CELF2: variants seen among roughly 807,000 people sequenced by gnomAD.
The protein encoded by CELF2 is CUG triplet repeat RNA-binding protein 2.
Under a neutral mutation model 62.6 loss-of-function variants are expected in CELF2, and 8 were observed. The observed-to-expected ratio is 0.13, with a 90% CI of 0.07 to 0.23. The LOEUF (loss-of-function observed/expected upper bound fraction) is 0.23. CELF2 is among the 10% of genes least tolerant of loss of function. The pLI, the probability that CELF2 is intolerant of heterozygous loss-of-function variation, is 1.00. For synonymous variants in CELF2, 258 were observed against 250.0 expected (o/e 1.03, Z -0.30); for missense variants, 333 against 671.0 (o/e 0.50, Z 5.56).
chr10:11,110,698 C>T lies in CELF2; in HGVS notation c.75-54788C>T, dbSNP rs2054923138. Among the ~76,000 whole-genome samples, 1 of 152,122 alleles carries T rather than the reference C, an allele frequency of 6.6e-6. No individual in the cohort carries two copies. The highest frequency in any genetic ancestry group is 2.1e-4 in the South Asian group (1 of 4,814). On this transcript the variant is annotated intron_variant, in intron 1 of 12. Transcript: ENST00000633077. This position sits in a 1 kb window ranked among gnomAD's most constrained non-coding sequence, Gnocchi z 4.0. ...TGAGAGTGTTCTCATGGGTCGTTGG[C>T]ATTCTCAGCAGTGCATCAACAAAGG... is the stretch of plus-strand genomic sequence containing the variant.
At chr10:11,140,842 A>G (rs2061231203) in intron 1 of CELF2, among the ~76,000 whole-genome samples, 1 of 152,036 alleles carries the variant, frequency 6.6e-6, no homozygotes, top group Non-Finnish European at 1.5e-5. Context: ...CACAGCAAGA[A>G]CCCATCTCTA....
intron 11 of CELF2, among the ~76,000 whole-genome samples, chr10:11,323,932 TTTC>T (rs2095587668): frequency 6.6e-6 from 1 of 152,180 alleles, no homozygotes; most frequent in African/African-American, 2.4e-5. Context: ...TTTTTTTTTT[TTTC>T]ATTTTAATAT....
the CELF2 span, among the ~76,000 whole-genome samples, chr10:10,724,570 C>T: frequency 1.5e-4 from 23 of 150,074 alleles, no homozygotes; most frequent in Non-Finnish European, 2.5e-4. Context: ...ACAGGAGAAC[C>T]GCTTGAAGCC....
chr10:11,051,947 G>A (rs1267631271), intron 1 of CELF2, among the ~76,000 whole-genome samples: 1 of 147,312 alleles, frequency 6.8e-6, no homozygotes, highest in Non-Finnish European at 1.5e-5. Context: ...GGCCCAGGCT[G>A]GAGTGCGGTG....
chr10:10,602,927 G>T, the CELF2 span, among the ~76,000 whole-genome samples: 7 of 152,198 alleles, frequency 4.6e-5, no homozygotes, highest in African/African-American at 1.7e-4. Context: ...ACTGGCATTC[G>T]TTGAGGGATT....
intron 2 of CELF2, among the ~76,000 whole-genome samples, chr10:10,976,090 G>A (rs2051307959): frequency 6.6e-6 from 1 of 152,206 alleles, no homozygotes; most frequent in African/African-American, 2.4e-5. Flanking sequence ...GCTGGTGGGA[G>A]TGTCTTATGC....
At chr10:11,115,318 GC>G (rs1260774311) in intron 1 of CELF2, among the ~76,000 whole-genome samples, 1 of 152,194 alleles carries the variant, frequency 6.6e-6, no homozygotes, top group Non-Finnish European at 1.5e-5. Context: ...ATCTGGCCCA[GC>G]AGCTGCAAAG....
chr10:10,736,680 GA>G, the CELF2 span, among the ~76,000 whole-genome samples: 6 of 151,398 alleles, frequency 4.0e-5, no homozygotes, highest in East Asian at 1.9e-4. Context: ...GGAAAATAAA[GA>G]AAAAAAATGT....
At chr10:10,547,215 C>G in the CELF2 span, among the ~76,000 whole-genome samples, 2 of 152,126 alleles carry the variant, frequency 1.3e-5, no homozygotes, top group Non-Finnish European at 2.9e-5. Context: ...CAAATACTTG[C>G]CTATCGAGAA....
At chr10:10,955,527 A>G (rs1477195848) in intron 2 of CELF2, among the ~76,000 whole-genome samples, 2 of 152,250 alleles carry the variant, frequency 1.3e-5, no homozygotes, top group African/African-American at 2.4e-5. Context: ...AATAGCACAC[A>G]TTCTCGACGT....
chr10:10,754,842 A>G, the CELF2 span, among the ~76,000 whole-genome samples: 33 of 152,282 alleles, frequency 2.2e-4, no homozygotes, highest in African/African-American at 7.5e-4. Flanking sequence ...TTAAGTAATA[A>G]CTCCTTCTTA....
chr10:10,551,989 C>T, the CELF2 span, among the ~76,000 whole-genome samples: 2 of 152,010 alleles, frequency 1.3e-5, no homozygotes. Flanking sequence ...AAATACCCTG[C>T]ATTTAAAGTT....
the CELF2 span, among the ~76,000 whole-genome samples, chr10:10,594,094 C>T: frequency 1.3e-5 from 2 of 152,070 alleles, no homozygotes; most frequent in African/African-American, 2.4e-5. Flanking sequence ...ATGATAAAGA[C>T]CTGAAATGGG....
At position 11,098,673 on chromosome 10, in the gene CELF2, G is replaced by C. The variant is rs113937173; in HGVS notation, c.75-66813G>C. Among the ~76,000 whole-genome samples, 549 of 152,296 alleles carry C rather than the reference G, an allele frequency of 3.6e-3. 3 individuals carry two copies. The highest frequency in any genetic ancestry group is 9.6e-3 in the African/African-American group (400 of 41,554). ...AGTATAAATGTGTCATGAGCACACT[G>C]TTTTCTCTGTAGAAATAACAAAGGC... is the stretch of plus-strand genomic sequence containing the variant. On this transcript the variant is annotated intron_variant, in intron 1 of 12. Coordinates refer to ENST00000633077, the MANE Select transcript of CELF2 (RefSeq NM_001326342.2). The surrounding 1 kb of genome is among the most constrained non-coding windows in gnomAD (Gnocchi z 4.0).
chr10:10,910,063 A>T (rs767120667), intron 1 of CELF2, among the ~76,000 whole-genome samples: 4 of 152,254 alleles, frequency 2.6e-5, no homozygotes, highest in Non-Finnish European at 5.9e-5. Context: ...TCCAGAAATT[A>T]TCAAGAGTAG....
the CELF2 span, among the ~76,000 whole-genome samples, chr10:10,477,126 T>C: frequency 5.0e-4 from 76 of 152,310 alleles, no homozygotes; most frequent in African/African-American, 1.7e-3. Context: ...TCATTTCTGT[T>C]GTTCTTCAAA....
intron 1 of CELF2, among the ~76,000 whole-genome samples, chr10:11,147,114 C>G (rs572481951): frequency 6.6e-6 from 1 of 152,310 alleles, no homozygotes; most frequent in Admixed American, 6.5e-5. Context: ...CCCACCCACT[C>G]CCTTGTGCCT....
At chr10:10,924,125 A>T (rs2065193644) in intron 2 of CELF2, 1 of 151,948 alleles carries the variant, frequency 6.6e-6, no homozygotes, top group Non-Finnish European at 1.5e-5. Flanking sequence ...TACTAAAAAT[A>T]CAAAAAATTA....
chr10:10,939,048 T>C (rs909655343), intron 2 of CELF2, among the ~76,000 whole-genome samples: 3 of 152,152 alleles, frequency 2.0e-5, no homozygotes, highest in South Asian at 4.1e-4. Context: ...GCTGAGGTCA[T>C]ATAGGCAGGG....
Sources: gnomAD v4.1 joint callset for allele counts (sites outside exome capture counted in the v4.1 genomes callset) on GRCh38, gnomAD v4.1.1 for gene constraint, Gnocchi (gnomAD v3.1) non-coding constraint, MANE v1.5 for transcripts, NCBI Gene and HGNC (gene_info 2026-07-23, HGNC 2026-07-21) for gene names.